The following CBX5 variants were observed in gnomAD, a reference collection of about 807,000 sequenced individuals.
The protein encoded by CBX5 is chromobox 5.
A neutral mutation model predicts 20.7 loss-of-function variants in CBX5; 7 were observed. The observed-to-expected ratio is 0.34, with a 90% CI of 0.19 to 0.63. CBX5 has a LOEUF of 0.63. Ranked by LOEUF, CBX5 falls within the 30% of genes least tolerant of loss-of-function variation. The probability of loss-of-function intolerance (pLI) is 0.75; values close to 1 mark genes in which losing one functional copy is unlikely to be tolerated. For synonymous variants in CBX5, 78 were observed against 77.0 expected (o/e 1.01, Z -0.07); for missense variants, 110 against 224.1 (o/e 0.49, Z 3.25).
chr12:54,254,949 A>G (rs1943848636), intron 2 of CBX5, among the ~76,000 whole-genome samples: 1 of 152,202 alleles, frequency 6.6e-6, no homozygotes, highest in Admixed American at 6.5e-5. Flanking sequence ...GAGGAAATTA[A>G]CATACCAATA....
At position 54,246,481 on chromosome 12, in the gene CBX5, C is replaced by A. The variant is rs188521380; in HGVS notation, c.325-266G>T. Among the ~76,000 whole-genome samples, 23 of 152,172 alleles carry A rather than the reference C, an allele frequency of 1.5e-4. 1 individual carries two copies. The highest frequency in any genetic ancestry group is 3.3e-4 in the Admixed American group (5 of 15,270). ...GGTGAACCCTAAAAGTCTCTAATGT[C>A]CTATAAGATACTCCGGAGTCAGAGG... On this transcript the variant is annotated intron_variant, in intron 3 of 4. Coordinates refer to ENST00000209875, the MANE Select transcript of CBX5 (RefSeq NM_012117.3).
intron 2 of CBX5, chr12:54,252,544 T>C (rs1189926257): frequency 2.0e-5 from 5 of 244,114 alleles, no homozygotes; most frequent in Admixed American, 5.7e-5. Flanking sequence ...AGGAATATTA[T>C]CCAACAACAA....
chr12:54,245,095 T>A (rs1359700181), intron 4 of CBX5, among the ~76,000 whole-genome samples: 1 of 151,920 alleles, frequency 6.6e-6, no homozygotes, highest in Non-Finnish European at 1.5e-5. Flanking sequence ...CATTGCAACC[T>A]CTGCCTCCCA....
chr12:54,254,724 G>T (rs1267430065), intron 2 of CBX5, among the ~76,000 whole-genome samples: 3 of 151,132 alleles, frequency 2.0e-5, no homozygotes, highest in African/African-American at 7.3e-5. Context: ...GTGGTGGCGG[G>T]CGCCTGTAAT....
chr12:54,266,414 A>G (rs1943956929), intron 1 of CBX5, among the ~76,000 whole-genome samples: 1 of 152,070 alleles, frequency 6.6e-6, no homozygotes, highest in Admixed American at 6.6e-5. Flanking sequence ...AATAAAAAAT[A>G]AAAAAATAAA....
rs1270429628 is a variant in CBX5, at chr12:54,261,165, T to C, written c.-42-3473A>G. On this transcript the variant is annotated intron_variant, in intron 1 of 4. Transcript: ENST00000209875. ...GAGACTGCGCCACTGCACTCCAGCC[T>C]GAGCAACAAGAGCGAAACCGTCTCA... 2.2e-5 allele frequency among the ~76,000 whole-genome samples: 3 copies of C among 138,506 alleles called. No homozygotes were observed. In the East Asian group the frequency reaches 6.3e-4, roughly 29 times the overall value. 90.9% of individuals were successfully genotyped at this position (138,506 alleles called of 152,430 possible). A position where few individuals can be genotyped will look rare whatever the true frequency, so the allele number is the denominator to read the frequency against.
At position 54,232,895 on chromosome 12, in the gene CBX5, A is replaced by T. The variant is rs1471985565; in HGVS notation, c.*8860T>A. 6.6e-6 allele frequency: 1 copy of T among 152,222 alleles called. No individual in the cohort carries two copies. The highest frequency in any genetic ancestry group is 1.5e-5 in the Non-Finnish European group (1 of 68,044). The allele number at this position is 152,222 out of a possible 1,614,324, so 9.4% of individuals were successfully genotyped here. On this transcript the variant is annotated 3_prime_UTR_variant, in exon 5 of 5. Coordinates refer to ENST00000209875, the MANE Select transcript of CBX5 (RefSeq NM_012117.3). ...GATTTCTCAGAGTTTTATACTGAGTAACCTGAATTCCTAAAATCCAGAAAG... is the reference window on the plus strand; with the variant it reads ...GATTTCTCAGAGTTTTATACTGAGTTACCTGAATTCCTAAAATCCAGAAAG...
At chr12:54,258,858 G>C (rs1943887248) in intron 1 of CBX5, among the ~76,000 whole-genome samples, 1 of 152,106 alleles carries the variant, frequency 6.6e-6, no homozygotes, top group Admixed American at 6.6e-5. Context: ...GAAAACCACT[G>C]GGTCAGGGAG....
intron 4 of CBX5, among the ~76,000 whole-genome samples, chr12:54,245,827 A>G (rs915594663): frequency 1.3e-5 from 2 of 151,922 alleles, no homozygotes; most frequent in African/African-American, 4.8e-5. Flanking sequence ...AAAATACAAA[A>G]ATTAGCCAGG....
At chr12:54,255,246 GTGAGACC>G (rs2137019951) in intron 2 of CBX5, among the ~76,000 whole-genome samples, 1 of 152,226 alleles carries the variant, frequency 6.6e-6, no homozygotes, top group Admixed American at 6.5e-5. Context: ...GGGTAACACA[GTGAGACC>G]CTGTCTCTAT....
intron 1 of CBX5, among the ~76,000 whole-genome samples, chr12:54,270,035 A>G (rs775958930): frequency 6.6e-6 from 1 of 152,170 alleles, no homozygotes; most frequent in Non-Finnish European, 1.5e-5. Context: ...ATTGTTAATT[A>G]GTATCTTTTT....
Position 54,252,082 on chromosome 12 carries a change from A to T in CBX5, c.283T>A (p.Ser95Thr). The T allele has an allele frequency of 6.2e-7, 1 of 1,611,394 alleles. No individual in the cohort carries two copies. Among genetic ancestry groups the T allele is most frequent in the Admixed American group, 1.7e-5 (1 of 59,696 alleles). The change falls in exon 3 of 5, where the codon TCA (serine) becomes ACA (threonine). Residue 95 changes from serine to threonine, a missense_variant. Transcript: ENST00000209875. ...GATTTGATGTCATCGGCACTGTTTG[A>T]GAAATTGGATTTCCTCTTGTTACTT... Reference protein sequence around the residue: ...SESNKRKSNFSNSADDIKSKK... With the variant: ...SESNKRKSNFTNSADDIKSKK...
chr12:54,257,054 C>T (rs1565871013), intron 2 of CBX5, among the ~76,000 whole-genome samples: 1 of 149,722 alleles, frequency 6.7e-6, no homozygotes. Flanking sequence ...GATGGAGTTT[C>T]ACCATGTTGG....
intron 2 of CBX5, among the ~76,000 whole-genome samples, chr12:54,253,675 C>A (rs577849860): frequency 7.0e-5 from 10 of 142,186 alleles, no homozygotes; most frequent in African/African-American, 2.7e-4. Context: ...CTGCAGTGAA[C>A]CGTGATTGCA....
intron 1 of CBX5, among the ~76,000 whole-genome samples, chr12:54,269,427 T>C (rs1943988378): frequency 6.6e-6 from 1 of 152,060 alleles, no homozygotes. Flanking sequence ...ATTGCTCTGT[T>C]GCCCAGGCTG....
rs1943619822 is a variant in CBX5 at position 54,236,160 on chromosome 12, T to G, written c.*5595A>C. 6.6e-6 allele frequency: 1 copy of G among 152,258 alleles called. No individual in the cohort carries two copies. The highest frequency in any genetic ancestry group is 2.4e-5 in the African/African-American group (1 of 41,478). 9.4% of individuals were successfully genotyped at this position (152,258 alleles called of 1,614,324 possible). On this transcript the variant is annotated 3_prime_UTR_variant, in exon 5 of 5. Transcript: ENST00000209875. ...CTTCTTACTCCAGGGCTACAAACTA[T>G]ACAACATCAGCCAGTCTGTCTCTGC...
chr12:54,279,720 G>A (rs1379678627), intron 1 of CBX5, among the ~76,000 whole-genome samples: 1 of 152,154 alleles, frequency 6.6e-6, no homozygotes, highest in East Asian at 1.9e-4. Flanking sequence ...GCTCAGAAGG[G>A]GAAAACCCGT....
rs1409484759 is a variant in CBX5, at chr12:54,233,727, T to TG, written c.*8027dup. 2.0e-5 allele frequency: 3 copies of TG among 152,036 alleles called. No homozygotes were observed. Among genetic ancestry groups the TG allele is most frequent in the Non-Finnish European group, 2.9e-5 (2 of 68,044 alleles). 9.4% of individuals were successfully genotyped at this position (152,036 alleles called of 1,614,324 possible). A position where few individuals can be genotyped will look rare whatever the true frequency, so the allele number is the denominator to read the frequency against. ...ACGTGGATCACTTGAGCTCACGAGT[T>TG]GGAGACCAGCCTGGGCAACACAGGG... On this transcript the variant is annotated 3_prime_UTR_variant, in exon 5 of 5. Transcript: ENST00000209875.
At chr12:54,245,016 A>AT (rs985261373) in intron 4 of CBX5, among the ~76,000 whole-genome samples, 44 of 143,412 alleles carry the variant, frequency 3.1e-4, no homozygotes, top group South Asian at 4.4e-4. Flanking sequence ...ATTTATTATT[A>AT]TTTTTTTTTT....
Sources: gnomAD v4.1 joint callset for allele counts (sites outside exome capture counted in the v4.1 genomes callset) on GRCh38, gnomAD v4.1.1 for gene constraint, MANE v1.5 for transcripts, NCBI Gene and HGNC (gene_info 2026-07-23, HGNC 2026-07-21) for gene names.